ANTXR1: variants seen among roughly 807,000 people sequenced by gnomAD.
The protein encoded by ANTXR1 is ANTXR cell adhesion molecule 1.
In ANTXR1, 19 loss-of-function variants were observed where a neutral mutation model predicts 78.1. That is an observed-to-expected ratio of 0.24 (90% CI 0.17 to 0.36). The LOEUF (loss-of-function observed/expected upper bound fraction) is 0.36. Ranked by LOEUF, ANTXR1 falls within the 10% of genes least tolerant of loss-of-function variation. ANTXR1 has a pLI of 1.00. For missense variants in ANTXR1, 518 were observed against 718.6 expected (o/e 0.72, Z 3.19); for synonymous variants, 273 against 260.5 (o/e 1.05, Z -0.46).
At chr2:69,220,780 C>A (rs940021465) in intron 17 of ANTXR1, among the ~76,000 whole-genome samples, 1 of 152,208 alleles carries the variant, frequency 6.6e-6, no homozygotes, top group Admixed American at 6.5e-5. Flanking sequence ...GGGGGCCAAT[C>A]CTAGCTAACT....
intron 17 of ANTXR1, among the ~76,000 whole-genome samples, chr2:69,208,218 G>T (rs536955692): frequency 6.6e-6 from 1 of 152,298 alleles, no homozygotes; most frequent in East Asian, 1.9e-4. Context: ...GCATTTGTCT[G>T]CCCCCTGCTG....
At chr2:69,179,178 TAAGGTA>T (rs1674209993) in intron 14 of ANTXR1, among the ~76,000 whole-genome samples, 1 of 152,192 alleles carries the variant, frequency 6.6e-6, no homozygotes, top group Admixed American at 6.5e-5. Flanking sequence ...TCGGAAATTC[TAAGGTA>T]AAGTAATATG....
chr2:69,220,472 C>A (rs1675291936), intron 17 of ANTXR1, among the ~76,000 whole-genome samples: 1 of 152,112 alleles, frequency 6.6e-6, no homozygotes, highest in Non-Finnish European at 1.5e-5. Flanking sequence ...AGAGTTTTCC[C>A]ATGTATTGTC....
At chr2:69,150,042 CT>C (rs1259048828) in intron 12 of ANTXR1, among the ~76,000 whole-genome samples, 1 of 152,248 alleles carries the variant, frequency 6.6e-6, no homozygotes, top group East Asian at 1.9e-4. Context: ...TGCAGCTCCC[CT>C]GGGGGCAGTC....
intron 12 of ANTXR1, among the ~76,000 whole-genome samples, chr2:69,125,265 T>G (rs990646721): frequency 6.6e-6 from 1 of 152,168 alleles, no homozygotes; most frequent in Non-Finnish European, 1.5e-5. Context: ...CAGATAGCCC[T>G]TCTCTGGAGC....
chr2:69,149,528 A>T (rs983815078), intron 12 of ANTXR1, among the ~76,000 whole-genome samples: 20 of 152,132 alleles, frequency 1.3e-4, no homozygotes, highest in African/African-American at 4.8e-4. Flanking sequence ...AACCAGGGAG[A>T]GGGGAAATTG....
intron 12 of ANTXR1, among the ~76,000 whole-genome samples, chr2:69,136,955 A>C (rs932558066): frequency 6.6e-6 from 1 of 152,180 alleles, no homozygotes; most frequent in Non-Finnish European, 1.5e-5. Context: ...ACTGGAGAGA[A>C]ATCATTGATC....
intron 16 of ANTXR1, 140 bp from the exon 17 acceptor site, chr2:69,193,195 G>A: frequency 1.4e-6 from 1 of 739,632 alleles, no homozygotes; most frequent in South Asian, 1.4e-5. Context: ...GGACTGCAGA[G>A]TCACTAATCC....
chr2:69,240,196 G>A (rs949618222), intron 17 of ANTXR1, among the ~76,000 whole-genome samples: 4 of 152,224 alleles, frequency 2.6e-5, no homozygotes, highest in African/African-American at 9.6e-5. Context: ...TCGGAGCTCC[G>A]GTGTGTGAGC....
In ANTXR1 at chr2:69,249,001, CTTCT is replaced by C. The variant is rs1237008215; in HGVS notation, c.*3521_*3524del. 1 of 152,174 alleles carries C rather than the reference CTTCT, an allele frequency of 6.6e-6. No homozygotes were observed. The highest frequency in any genetic ancestry group is 1.5e-5 in the Non-Finnish European group (1 of 68,024). The allele number at this position is 152,174 out of a possible 1,614,324, so 9.4% of individuals were successfully genotyped here. ...CTTAACATTAAACTCTTCTAACTTT[CTTCT>C]TTCTGTGATAATTCAGAAGATAGTT... On this transcript the variant is annotated 3_prime_UTR_variant, in exon 18 of 18. Coordinates refer to ENST00000303714, the MANE Select transcript of ANTXR1 (RefSeq NM_032208.3).
intron 3 of ANTXR1, 65 bp from the exon 4 acceptor site, chr2:69,070,582 T>C: frequency 6.8e-7 from 1 of 1,471,698 alleles, no homozygotes; most frequent in Non-Finnish European, 9.5e-7. Context: ...AGACTAGTAC[T>C]TATGACTACA....
At chr2:69,158,128 C>T (rs1673577068) in intron 13 of ANTXR1, among the ~76,000 whole-genome samples, 1 of 152,192 alleles carries the variant, frequency 6.6e-6, no homozygotes, top group Non-Finnish European at 1.5e-5. Flanking sequence ...GAAGCCAAGG[C>T]TGTAGGTCCC....
intron 17 of ANTXR1, 46 bp downstream of exon 17, chr2:69,193,461 A>ACG: frequency 1.0e-6 from 1 of 999,038 alleles, no homozygotes; most frequent in Non-Finnish European, 1.4e-6. Flanking sequence ...TCTCTCTCTC[A>ACG]CATACACACA....
chr2:69,172,311 G>C, intron 14 of ANTXR1: 1 of 1,445,406 alleles, frequency 6.9e-7, no homozygotes, highest in Non-Finnish European at 9.7e-7. Context: ...GCCTTAGCGT[G>C]TGTGTTGGCC....
Position 69,082,457 on chromosome 2 carries a change from T to C in ANTXR1, c.642+4969T>C, listed in dbSNP as rs1670925632. 3.3e-5 allele frequency among the ~76,000 whole-genome samples: 5 copies of C among 152,248 alleles called. No individual in the cohort carries two copies. The South Asian group carries it at 1.0e-3, about 32-fold the overall frequency. ...TAAAGGAAGAAACTATTCCTGTGCC[T>C]TCTCATATTGTGGCTTCTTCAGGGA... On this transcript the variant is annotated intron_variant, in intron 8 of 17. Transcript: ENST00000303714.
chr2:69,155,296 G>A (rs1001120831), intron 13 of ANTXR1, among the ~76,000 whole-genome samples: 13 of 152,138 alleles, frequency 8.5e-5, no homozygotes, highest in Admixed American at 6.5e-4. Flanking sequence ...GTGGACCTCT[G>A]GCTTTTAAGA....
chr2:69,133,396 C>T (rs1426382290), intron 12 of ANTXR1, among the ~76,000 whole-genome samples: 5 of 152,152 alleles, frequency 3.3e-5, no homozygotes, highest in Admixed American at 6.5e-5. Context: ...CCACACCCAC[C>T]GCTTCTTACT....
intron 1 of ANTXR1, among the ~76,000 whole-genome samples, chr2:69,034,410 A>T (rs962291755): frequency 9.9e-5 from 15 of 152,176 alleles, no homozygotes; most frequent in Non-Finnish European, 2.2e-4. Flanking sequence ...AATTCCTGGG[A>T]GGCTACTTGA....
chr2:69,023,429 GTGA>G (rs543631832), intron 1 of ANTXR1, among the ~76,000 whole-genome samples: 63 of 151,496 alleles, frequency 4.2e-4, no homozygotes, highest in African/African-American at 1.4e-3. Context: ...GATAGTGATA[GTGA>G]TGATGATAAT....
Sources: allele counts gnomAD v4.1 joint callset (sites outside exome capture counted in the v4.1 genomes callset), GRCh38; gene constraint gnomAD v4.1.1; transcripts MANE v1.5; gene names NCBI Gene and HGNC (gene_info 2026-07-23, HGNC 2026-07-21).